Variants in DIAPH3 observed in about 807,000 individuals in gnomAD.
The protein encoded by DIAPH3 is diaphanous related formin 3, also known as protein diaphanous homolog 3.
A neutral mutation model predicts 144.3 loss-of-function variants in DIAPH3; 117 were observed. That is an observed-to-expected ratio of 0.81 (90% confidence interval 0.70 to 0.95). DIAPH3 has a LOEUF of 0.95. Among genes scored for constraint, DIAPH3 ranks in the 40% least tolerant of loss-of-function variants. DIAPH3 has a pLI of 0.00. For missense variants in DIAPH3, 1,421 were observed against 1,412.7 expected (o/e 1.01, Z -0.09); for synonymous variants, 519 against 488.9 (o/e 1.06, Z -0.81).
chr13:59,695,262 G>A lies in DIAPH3; in HGVS notation c.3320-28416C>T, dbSNP rs534821674. 5 of 152,312 alleles carry A rather than the reference G, an allele frequency of 3.3e-5. No individual in the cohort carries two copies. In the South Asian group the frequency reaches 1.0e-3, roughly 32 times the overall value. The allele number at this position is 152,312 out of a possible 1,614,324, so 9.4% of individuals were successfully genotyped here. ...GTAGCTGATATTTACTTGAAGGCAA[G>A]CAGCATAAATGTCTTTAAAGATGTG... On this transcript the variant is annotated intron_variant, in intron 27 of 27. Transcript: ENST00000400324.
At chr13:59,693,400 CTCAGT>C (rs1404277292) in intron 27 of DIAPH3, among the ~76,000 whole-genome samples, 2 of 152,262 alleles carry the variant, frequency 1.3e-5, no homozygotes, top group Non-Finnish European at 2.9e-5. Flanking sequence ...TATCATGAAA[CTCAGT>C]TCTTTGTCTG....
intron 4 of DIAPH3, among the ~76,000 whole-genome samples, chr13:60,092,920 T>C (rs1433708940): frequency 6.6e-6 from 1 of 152,208 alleles, no homozygotes; most frequent in Non-Finnish European, 1.5e-5. Flanking sequence ...TCCAATTCTG[T>C]TGTAAATTGA....
chr13:60,049,127 CA>C (rs1239241112), intron 4 of DIAPH3, among the ~76,000 whole-genome samples: 1 of 152,014 alleles, frequency 6.6e-6, no homozygotes, highest in African/African-American at 2.4e-5. Flanking sequence ...ACAAAGGAAT[CA>C]AAAAATTATG....
intron 17 of DIAPH3, among the ~76,000 whole-genome samples, chr13:59,949,618 G>T (rs1366785934): frequency 1.3e-5 from 2 of 152,164 alleles, no homozygotes; most frequent in Non-Finnish European, 2.9e-5. Context: ...TATAGAGTCT[G>T]TGGCTGCTTT....
intron 4 of DIAPH3, among the ~76,000 whole-genome samples, chr13:60,050,599 C>G (rs913125159): frequency 6.6e-6 from 1 of 152,138 alleles, no homozygotes; most frequent in African/African-American, 2.4e-5. Flanking sequence ...GCAGATGCAA[C>G]TGAGACCATA....
intron 9 of DIAPH3, 52 bp from the exon 10 acceptor site, chr13:59,992,635 A>G (rs777595843): frequency 1.1e-5 from 15 of 1,404,736 alleles, no homozygotes; most frequent in African/African-American, 1.4e-5. Context: ...TTAAAGAAAG[A>G]GTAACAAACG....
intron 1 of DIAPH3, among the ~76,000 whole-genome samples, chr13:60,146,691 T>C (rs536119240): frequency 1.3e-4 from 20 of 152,180 alleles, no homozygotes; most frequent in Non-Finnish European, 2.8e-4. Context: ...TCCTTGGAAA[T>C]CCTCCAACAA....
At chr13:60,028,861 C>T (rs991369685) in intron 5 of DIAPH3, among the ~76,000 whole-genome samples, 1 of 152,104 alleles carries the variant, frequency 6.6e-6, no homozygotes, top group African/African-American at 2.4e-5. Flanking sequence ...GAGATCGAGA[C>T]CATCCTGGCC....
chr13:60,144,916 T>C (rs897365846), intron 1 of DIAPH3: 1 of 152,192 alleles, frequency 6.6e-6, no homozygotes, highest in Non-Finnish European at 1.5e-5. Flanking sequence ...ACAGTAGATA[T>C]TGTATAGGGA....
intron 4 of DIAPH3, among the ~76,000 whole-genome samples, chr13:60,062,296 A>G (rs2056803743): frequency 6.6e-6 from 1 of 152,172 alleles, no homozygotes; most frequent in Admixed American, 6.6e-5. Flanking sequence ...TCCATTCTAC[A>G]TTTGCTGGAC....
At chr13:60,095,885 T>C (rs2058092351) in intron 3 of DIAPH3, among the ~76,000 whole-genome samples, 1 of 152,168 alleles carries the variant, frequency 6.6e-6, no homozygotes, top group Non-Finnish European at 1.5e-5. Flanking sequence ...CCCAGGGAAA[T>C]ACTGTCTGTG....
intron 17 of DIAPH3, 44 bp from the exon 18 acceptor site, chr13:59,924,914 C>G: frequency 1.3e-6 from 2 of 1,572,214 alleles, no homozygotes; most frequent in Non-Finnish European, 1.7e-6. Flanking sequence ...GCAATTCATT[C>G]AAATACAAAA....
chr13:59,670,539 T>C (rs1001780167), intron 27 of DIAPH3, among the ~76,000 whole-genome samples: 43 of 151,370 alleles, frequency 2.8e-4, no homozygotes, highest in African/African-American at 1.0e-3. Flanking sequence ...CCCACTATAA[T>C]TAGAGATAGT....
At chr13:59,943,654 G>A (rs529093922) in intron 17 of DIAPH3, among the ~76,000 whole-genome samples, 17 of 152,258 alleles carry the variant, frequency 1.1e-4, no homozygotes, top group Non-Finnish European at 2.4e-4. Flanking sequence ...ACAATAAGAT[G>A]TGAAGATGTG....
At chr13:59,902,803 A>G (rs2046516204) in intron 20 of DIAPH3, among the ~76,000 whole-genome samples, 1 of 152,192 alleles carries the variant, frequency 6.6e-6, no homozygotes, top group South Asian at 2.1e-4. Context: ...TAAAGTGACA[A>G]GAAAAACAAT....
chr13:60,041,482 C>T (rs2055660983), intron 5 of DIAPH3, among the ~76,000 whole-genome samples: 1 of 152,168 alleles, frequency 6.6e-6, no homozygotes, highest in Non-Finnish European at 1.5e-5. Flanking sequence ...GTTGACTCAT[C>T]ATACTCCTTA....
chr13:59,730,505 T>C (rs965487644), intron 27 of DIAPH3, among the ~76,000 whole-genome samples: 9 of 152,130 alleles, frequency 5.9e-5, no homozygotes, highest in African/African-American at 1.9e-4. Context: ...GTGGAATGCA[T>C]CACAGAAAAG....
intron 27 of DIAPH3, among the ~76,000 whole-genome samples, chr13:59,716,161 G>A (rs1047786602): frequency 7.0e-5 from 10 of 142,174 alleles, no homozygotes; most frequent in Admixed American, 5.2e-4. Flanking sequence ...ATAATGCTGC[G>A]CTTGTATATC....
At chr13:59,941,429 G>C (rs1044732732) in intron 17 of DIAPH3, among the ~76,000 whole-genome samples, 1 of 152,136 alleles carries the variant, frequency 6.6e-6, no homozygotes, top group Non-Finnish European at 1.5e-5. Context: ...GGCTGAAGGA[G>C]AGCCACCTGG....
Sources: allele counts gnomAD v4.1 joint callset (sites outside exome capture counted in the v4.1 genomes callset), GRCh38; gene constraint gnomAD v4.1.1; transcripts MANE v1.5; gene names NCBI Gene and HGNC (gene_info 2026-07-23, HGNC 2026-07-21).